UBR4: variants seen among roughly 807,000 people sequenced by gnomAD.
UBR4 encodes ubiquitin protein ligase E3 component n-recognin 4, also known as E3 ubiquitin-protein ligase UBR4.
UBR4 carries 124 observed loss-of-function variants against 575.6 expected under a neutral mutation model. The observed-to-expected ratio is 0.22, with a 90% CI of 0.19 to 0.25. The LOEUF is 0.25. Ranked by LOEUF, UBR4 falls within the 10% of genes least tolerant of loss-of-function variation. UBR4 has a pLI of 1.00. For synonymous variants in UBR4, 2,455 were observed against 2,473.7 expected (o/e 0.99, Z 0.22); for missense variants, 4,818 against 6,478.8 (o/e 0.74, Z 8.80).
At chr1:19,079,920 C>T (rs2076322670) in intron 103 of UBR4, 2 of 152,244 alleles carry the variant, frequency 1.3e-5, no homozygotes, top group African/African-American at 4.8e-5. Flanking sequence ...AAAACAGCAA[C>T]TCATGAATGT....
At chr1:19,147,636 C>T (rs2085052133) in intron 51 of UBR4, among the ~76,000 whole-genome samples, 1 of 152,218 alleles carries the variant, frequency 6.6e-6, no homozygotes, top group Admixed American at 6.5e-5. Context: ...TCGTGCTGTG[C>T]CACACCTGAG....
At chr1:19,146,782 T>C (rs1300668122) in intron 52 of UBR4, 44 bp downstream of exon 52, 3 of 1,580,850 alleles carry the variant, frequency 1.9e-6, no homozygotes, top group South Asian at 1.2e-5. Flanking sequence ...TAAATAGGCA[T>C]ATGAAGCAGA....
At chr1:19,186,442 A>C (rs1305649175) in intron 14 of UBR4, 98 bp downstream of exon 14, 14 of 1,067,362 alleles carry the variant, frequency 1.3e-5, no homozygotes. Flanking sequence ...AACAAAATGG[A>C]AACTTTTGTT....
chr1:19,207,961 T>C (rs2093091848), intron 1 of UBR4, among the ~76,000 whole-genome samples: 1 of 152,208 alleles, frequency 6.6e-6, no homozygotes, highest in African/African-American at 2.4e-5. Context: ...CCCAAAATTA[T>C]CTACTATCTG....
rs777319873 is a variant in UBR4 at position 19,156,308 on chromosome 1, T to C, written c.6035A>G (p.Gln2012Arg). Residue 2012 changes from glutamine to arginine, a missense_variant, in exon 42 of 106, where the codon CAG (glutamine) becomes CGG (arginine). This residue lies in a region of UBR4 where 461 missense variants were observed against 606.9 expected (regional missense o/e 0.76). Coordinates refer to ENST00000375254, the MANE Select transcript of UBR4 (RefSeq NM_020765.3). ...TGCGGTGACAATTGCTAACTCGGTC[T>C]GTGAACCAGGTAACCACACGGCTTT... The part of the protein sequence containing the change: ...IIKAVWLPGS[Q>R]TELAIVTADF... 1.4e-5 allele frequency: 22 copies of C among 1,614,092 alleles called. No individual in the cohort carries two copies. In the South Asian group the frequency reaches 2.3e-4, roughly 17 times the overall value.
chr1:19,194,849 T>C (rs1273851914), intron 8 of UBR4, among the ~76,000 whole-genome samples: 1 of 151,936 alleles, frequency 6.6e-6, no homozygotes, highest in Non-Finnish European at 1.5e-5. Flanking sequence ...ATTTAAAATC[T>C]AGAAGCAGGC....
At chr1:19,127,779 C>G (rs138183667) in intron 62 of UBR4, 40 bp from the exon 63 acceptor site, 4 of 1,543,946 alleles carry the variant, frequency 2.6e-6, no homozygotes, top group South Asian at 1.1e-5. Context: ...TCTACTTACT[C>G]GATGCTTGAG....
In UBR4 at chr1:19,195,975, C is replaced by T. The variant is rs1348084437; in HGVS notation, c.1018+1166G>A. Among the ~76,000 whole-genome samples the T allele has an allele frequency of 1.9e-4, 10 of 51,574 alleles. No homozygotes were observed. The Admixed American group carries it at 2.4e-3, about 12-fold the overall frequency. 33.8% of individuals were successfully genotyped at this position (51,574 alleles called of 152,430 possible). On this transcript the variant is annotated intron_variant, in intron 8 of 105. Transcript: ENST00000375254. ...AAACCTACAGACTTACTTATACACA[C>T]ACACACACACACACACACACACACA...
rs747928552 is a variant in UBR4, at chr1:19,160,975, G to C, written c.5348C>G (p.Pro1783Arg). 3.7e-6 allele frequency: 6 copies of C among 1,613,956 alleles called. No individual in the cohort carries two copies. The East Asian group carries it at 1.3e-4, about 36-fold the overall frequency. Residue 1783 changes from proline (P) to arginine (R), a missense_variant, in exon 38 of 106, where the codon CCC becomes CGC. Pro to Arg is a moderately radical substitution (Grantham distance 103). This residue lies in a region of UBR4 where 159 missense variants were observed against 174.6 expected (regional missense o/e 0.91). Transcript: ENST00000375254. ...SDGKVADEEKPKKSSLCRTVE... is the reference protein window; with the variant it reads ...SDGKVADEEKRKKSSLCRTVE... Reference sequence around the variant, plus strand: ...TGTGCGGCAGAGGCTGCTCTTCTTGGGCTTCTCTTCGTCAGCAACCTTTCC... The same window carrying C: ...TGTGCGGCAGAGGCTGCTCTTCTTGCGCTTCTCTTCGTCAGCAACCTTTCC...
Position 19,210,181 on chromosome 1 carries a change from GCCCCCGTTGCCGGGGT to G in UBR4, c.52_67del (p.Thr18ArgfsTer24). ...CACCTCCCAGCCCGGGGTCGTGTCCGCCCCCGTTGCCGGGGTCCCCGGCGCCGGAGCCGCTGCCGCC... is the reference window on the plus strand; with the variant it reads ...CACCTCCCAGCCCGGGGTCGTGTCCGCCCCGGCGCCGGAGCCGCTGCCGCC... On this transcript the variant is annotated frameshift_variant, in exon 1 of 106. Transcript: ENST00000375254. LOFTEE classifies it high-confidence loss of function. The G allele has an allele frequency of 6.7e-7, 1 of 1,500,390 alleles. No homozygotes were observed. Among genetic ancestry groups the G allele is most frequent in the Non-Finnish European group, 8.8e-7 (1 of 1,130,878 alleles). The allele number at this position is 1,500,390 out of a possible 1,614,324, so 92.9% of individuals were successfully genotyped here.
intron 90 of UBR4, among the ~76,000 whole-genome samples, 191 bp from the exon 91 acceptor site, chr1:19,097,471 T>G (rs1317166366): frequency 1.3e-5 from 2 of 152,244 alleles, no homozygotes; most frequent in Non-Finnish European, 2.9e-5. Context: ...TTTTATTTTG[T>G]GTCTACTAGA....
In UBR4 at chr1:19,141,637, A is replaced by G. The variant is rs1353356903; in HGVS notation, c.8310+10T>C. The G allele has an allele frequency of 6.2e-7, 1 of 1,613,640 alleles. No homozygotes were observed. The highest frequency in any genetic ancestry group is 1.3e-5 in the African/African-American group (1 of 74,922). On this transcript the variant is annotated intron_variant, in intron 56 of 105. Coordinates refer to ENST00000375254, the MANE Select transcript of UBR4 (RefSeq NM_020765.3). The stretch of plus-strand genomic sequence containing the variant: ...CTCCTCCTCCCCTTCTCCTGCTGCC[A>G]GAGACTCACCACCATCTCAAAATCT...
chr1:19,197,215 A>G lies in UBR4; in HGVS notation c.944T>C (p.Leu315Pro). Residue 315 changes from leucine (L) to proline (P), a missense_variant, in exon 8 of 106, where the codon CTA (leucine) becomes CCA (proline). Coordinates refer to ENST00000375254, the MANE Select transcript of UBR4 (RefSeq NM_020765.3). The part of the protein sequence containing the change: ...DVTMALDTLS[L>P]PVLEPLNPSR... ...AGGATTGAGAGGTTCCAACACAGGT[A>G]GAGAAAGGGTATCCAATGCCATAGT... 6.2e-7 allele frequency: 1 copy of G among 1,614,176 alleles called. No individual in the cohort carries two copies. The highest frequency in any genetic ancestry group is 8.5e-7 in the Non-Finnish European group (1 of 1,180,000).
intron 63 of UBR4, 103 bp downstream of exon 63, chr1:19,127,520 T>C (rs919643571): frequency 2.8e-5 from 24 of 860,176 alleles, no homozygotes; most frequent in Middle Eastern, 2.3e-4. Flanking sequence ...CAGGGAACAA[T>C]GGCTTTATTC....
intron 34 of UBR4, 81 bp downstream of exon 34, chr1:19,163,683 G>C (rs2087782381): frequency 6.9e-7 from 1 of 1,450,616 alleles, no homozygotes; most frequent in African/African-American, 1.4e-5. Context: ...AACTCAATAG[G>C]AACGAGAGAC....
In UBR4 at chr1:19,113,839, A is replaced by C. The variant is rs376022862; in HGVS notation, c.11329-12T>G. On this transcript the variant is annotated splice_polypyrimidine_tract_variant and intron_variant, in intron 76 of 105. Transcript: ENST00000375254. Reference sequence around the variant, plus strand: ...GTTCCTGAGTCATCCTGCAACCCCAAGAGGTAAGCTGTCAGGCTCCCCACC... The same window carrying C: ...GTTCCTGAGTCATCCTGCAACCCCACGAGGTAAGCTGTCAGGCTCCCCACC... 86 of 1,614,036 alleles carry C rather than the reference A, an allele frequency of 5.3e-5. No individual in the cohort carries two copies. Among genetic ancestry groups the C allele is most frequent in the Non-Finnish European group, 7.3e-5 (86 of 1,180,014 alleles).
rs2075994952 is a variant in UBR4 at position 19,076,885 on chromosome 1, G to A, written c.15342C>T (p.Asn5114=). The stretch of plus-strand genomic sequence containing the variant: ...GAGAGCAGGACCAGCCTCCCTCTGT[G>A]TTACTGGTAGGCACCTTCTACGAGA... ...YNMFKKVPTS[N]TEGGWSCSLA... Residue 5114 remains asparagine (N), a synonymous_variant, in exon 105 of 106, where the codon AAC becomes AAT. Transcript: ENST00000375254. The A allele has an allele frequency of 6.3e-7, 1 of 1,576,902 alleles. No homozygotes were observed. Among genetic ancestry groups the A allele is most frequent in the African/African-American group, 1.4e-5 (1 of 73,240 alleles).
At chr1:19,092,418 G>A (rs1204448394) in intron 97 of UBR4, among the ~76,000 whole-genome samples, 1 of 151,750 alleles carries the variant, frequency 6.6e-6, no homozygotes, top group Non-Finnish European at 1.5e-5. Context: ...GCCCTGTGGG[G>A]AGAAATCAGG....
intron 39 of UBR4, 33 bp from the exon 40 acceptor site, chr1:19,158,030 T>C: frequency 6.3e-7 from 1 of 1,591,432 alleles, no homozygotes; most frequent in South Asian, 1.1e-5. Flanking sequence ...AAGTGGGCAG[T>C]AATGAGGCAA....
Sources: allele counts gnomAD v4.1 joint callset (sites outside exome capture counted in the v4.1 genomes callset), GRCh38; gene constraint gnomAD v4.1.1; regional missense constraint gnomAD v4.1.1; transcripts MANE v1.5; gene names NCBI Gene and HGNC (gene_info 2026-07-23, HGNC 2026-07-21).